The following ZNF208 variants were observed in gnomAD, a reference collection of about 807,000 sequenced individuals.
ZNF208 encodes the protein zinc finger protein 208, also known as zinc finger protein 95.
In ZNF208, 10 loss-of-function variants were observed where a neutral mutation model predicts 12.1. The ratio of observed to expected loss-of-function variants is 0.83; its 90% confidence interval spans 0.51 to 1.40. The LOEUF (loss-of-function observed/expected upper bound fraction) is 1.40, where lower values mean the gene tolerates loss of function less well. ZNF208 is among the 40% of genes most tolerant of loss of function. The pLI is 0.00. For synonymous variants in ZNF208, 497 were observed against 488.4 expected, an observed-to-expected ratio of 1.02 and a Z score of -0.23; for missense variants, 1,652 against 1,485.0, an observed-to-expected ratio of 1.11 and a Z score of -1.85.
At chr19:21,975,897 TG>T (rs1970422446) in intron 3 of ZNF208, among the ~76,000 whole-genome samples, 2 of 86,922 alleles carry the variant, frequency 2.3e-5, no homozygotes, top group Admixed American at 1.2e-4. Context: ...TCCTGCCTAA[TG>T]GGGGAAAAAA....
Position 21,970,445 on chromosome 19 carries a change from C to T in ZNF208, c.*746G>A, listed in dbSNP as rs1339340092. ...CACATTCTTCAGATTTGTAGGGTTT[C>T]CCTCCTGTACAAATTCCCTTATGTT... On this transcript the variant is annotated 3_prime_UTR_variant, in exon 4 of 4. Transcript: ENST00000397126. Among the ~76,000 whole-genome samples, 1 of 152,154 alleles carries T rather than the reference C, an allele frequency of 6.6e-6. No homozygotes were observed. Among genetic ancestry groups the T allele is most frequent in the African/African-American group, 2.4e-5 (1 of 41,446 alleles).
intron 1 of ZNF208, among the ~76,000 whole-genome samples, chr19:21,996,354 T>C (rs1185168197): frequency 6.6e-6 from 1 of 152,236 alleles, no homozygotes; most frequent in South Asian, 2.1e-4. Flanking sequence ...TAATAATTGA[T>C]TGGATATACA....
downstream of ZNF208, among the ~76,000 whole-genome samples, chr19:21,964,876 T>C (rs1297544436): frequency 1.3e-5 from 2 of 151,948 alleles, no homozygotes; most frequent in African/African-American, 4.8e-5. Context: ...TTAAATGTTA[T>C]TTAATGAAGA....
At chr19:22,001,084 T>A (rs909004780) in intron 1 of ZNF208, among the ~76,000 whole-genome samples, 1 of 151,886 alleles carries the variant, frequency 6.6e-6, no homozygotes, top group African/African-American at 2.4e-5. Flanking sequence ...AGGTCAGGAG[T>A]TCGAGACCAG....
chr19:21,958,957 C>G (rs896704573), intron 4 of ZNF208, among the ~76,000 whole-genome samples: 6 of 152,012 alleles, frequency 3.9e-5, no homozygotes, highest in Non-Finnish European at 7.4e-5. Context: ...TGGCACACAC[C>G]TGTAATCCCA....
At chr19:21,955,710 A>T (rs7253474) in intron 4 of ZNF208, among the ~76,000 whole-genome samples, 7,880 of 152,156 alleles carry the variant, frequency 0.052, 673 homozygotes, top group African/African-American at 0.18. Context: ...TATGCTGTTT[A>T]TTCTAGTTAG....
rs1970292701 is a variant in ZNF208, at chr19:21,971,825, G to C, written c.3209C>G (p.Ser1070Ter). Residue 1070 changes from serine (S) to a stop codon, truncating the protein, a stop_gained, in exon 4 of 4, where the codon TCA (serine) becomes TGA (stop). Coordinates refer to ENST00000397126, the MANE Select transcript of ZNF208 (RefSeq NM_007153.3). LOFTEE classifies it low-confidence loss of function (END_TRUNC). ...EECGKAFSWPSRLTEHKATHA... is the reference protein window; with the variant it reads ...EECGKAFSWP ...AGTTGCCTTATGTTCAGTAAGTCTT[G>C]AGGGCCAGCTGAAGGCTTTGCCACA... 3 of 1,613,722 alleles carry C rather than the reference G, an allele frequency of 1.9e-6. No homozygotes were observed. The highest frequency in any genetic ancestry group is 2.2e-5 in the East Asian group (1 of 44,848).
chr19:21,962,307 T>TG (rs1356611516), downstream of ZNF208, among the ~76,000 whole-genome samples: 3 of 152,274 alleles, frequency 2.0e-5, no homozygotes, highest in African/African-American at 7.2e-5. Context: ...TCTAGCTGTA[T>TG]GGTGAAAAGG....
chr19:21,940,438 C>T (rs1213780841), intron 4 of ZNF208: 1 of 151,828 alleles, frequency 6.6e-6, no homozygotes, highest in African/African-American at 2.4e-5. Context: ...AGTTTGTGAC[C>T]ATTAAAAAAT....
chr19:22,007,940 G>A (rs1205857897), intron 1 of ZNF208, among the ~76,000 whole-genome samples: 1 of 146,328 alleles, frequency 6.8e-6, no homozygotes, highest in Non-Finnish European at 1.5e-5. Context: ...TGATGCAGAG[G>A]TTTCAGTGAG....
chr19:22,003,909 G>A (rs1320549324), intron 1 of ZNF208, among the ~76,000 whole-genome samples: 2 of 152,046 alleles, frequency 1.3e-5, no homozygotes, highest in Non-Finnish European at 2.9e-5. Context: ...GTTGGCACAC[G>A]TCTGTAATCC....
downstream of ZNF208, among the ~76,000 whole-genome samples, chr19:21,964,296 TATC>T (rs894354590): frequency 1.4e-4 from 22 of 151,776 alleles, no homozygotes; most frequent in Non-Finnish European, 3.1e-4. Flanking sequence ...AAACTTTAAA[TATC>T]ATGAACAGTC....
intron 1 of ZNF208, among the ~76,000 whole-genome samples, chr19:21,993,577 T>G (rs1248368367): frequency 6.6e-6 from 1 of 152,226 alleles, no homozygotes; most frequent in African/African-American, 2.4e-5. Flanking sequence ...CTTGGTAATT[T>G]TGGCCCCACT....
In ZNF208 at chr19:21,971,401, G is replaced by A; in HGVS notation, c.3633C>T (p.Thr1211=). The A allele has an allele frequency of 6.2e-7, 1 of 1,609,666 alleles. No homozygotes were observed. The highest frequency in any genetic ancestry group is 8.5e-7 in the Non-Finnish European group (1 of 1,179,310). The change falls in exon 4 of 4, where the codon ACC becomes ACT. Residue 1211 remains threonine, a synonymous_variant. Coordinates refer to ENST00000397126, the MANE Select transcript of ZNF208 (RefSeq NM_007153.3). ...ECGKAYKWPS[T]LRYHKKIHTG... is the part of the protein sequence containing the mutation. The stretch of plus-strand genomic sequence containing the variant: ...TATGAATTTTCTTGTGATATCTAAG[G>A]GTTGAGGGCCACTTATAGGCTTTGC...
chr19:21,947,909 AC>A (rs1168811970), intron 4 of ZNF208, among the ~76,000 whole-genome samples: 1 of 152,088 alleles, frequency 6.6e-6, no homozygotes, highest in Admixed American at 6.5e-5. Context: ...GATCTAGAAA[AC>A]GAGCGGGATG....
intron 4 of ZNF208, among the ~76,000 whole-genome samples, chr19:21,950,619 A>T (rs546866948): frequency 6.6e-6 from 1 of 151,670 alleles, no homozygotes; most frequent in East Asian, 1.9e-4. Context: ...TCAGCCTCCC[A>T]AGTAGCTGGG....
At chr19:21,975,194 T>A (rs1263268700) in intron 3 of ZNF208, among the ~76,000 whole-genome samples, 1 of 152,148 alleles carries the variant, frequency 6.6e-6, no homozygotes, top group African/African-American at 2.4e-5. Flanking sequence ...TTAAGGAAAG[T>A]AAAATATTGG....
At chr19:22,004,733 G>A (rs1457717934) in intron 1 of ZNF208, among the ~76,000 whole-genome samples, 2 of 152,048 alleles carry the variant, frequency 1.3e-5, no homozygotes, top group Non-Finnish European at 2.9e-5. Context: ...GAACACAGAG[G>A]GGAAAAAAGA....
intron 1 of ZNF208, among the ~76,000 whole-genome samples, chr19:22,002,164 C>T (rs960226952): frequency 6.6e-6 from 1 of 151,978 alleles, no homozygotes; most frequent in African/African-American, 2.4e-5. Context: ...ATGTTAAAAA[C>T]CCTCAACAAA....
Sources: allele counts gnomAD v4.1 joint callset (sites outside exome capture counted in the v4.1 genomes callset), GRCh38; gene constraint gnomAD v4.1.1; transcripts MANE v1.5; gene names NCBI Gene and HGNC (gene_info 2026-07-23, HGNC 2026-07-21).